SHLD2: variants seen among roughly 807,000 people sequenced by gnomAD.
SHLD2 encodes shieldin complex subunit 2.
Under a neutral mutation model 73.2 loss-of-function variants are expected in SHLD2, and 30 were observed. The observed-to-expected ratio is 0.41, with a 90% CI of 0.31 to 0.56. The LOEUF (loss-of-function observed/expected upper bound fraction) is 0.56. Among genes scored for constraint, SHLD2 ranks in the 20% least tolerant of loss-of-function variants. The probability of loss-of-function intolerance (pLI) is 0.28; values close to 1 mark genes in which losing one functional copy is unlikely to be tolerated. For synonymous variants in SHLD2, 285 were observed against 370.1 expected, an observed-to-expected ratio of 0.77 and a Z score of 2.64; for missense variants, 745 against 1,055.9, an observed-to-expected ratio of 0.71 and a Z score of 4.08.
chr10:87,157,359 A>G (rs1846504706), intron 3 of SHLD2, among the ~76,000 whole-genome samples: 1 of 152,286 alleles, frequency 6.6e-6, no homozygotes, highest in African/African-American at 2.4e-5. Context: ...CTGACACTGT[A>G]TGCTGATTAG....
chr10:87,161,112 TA>T (rs1846782061), intron 4 of SHLD2, among the ~76,000 whole-genome samples: 1 of 152,102 alleles, frequency 6.6e-6, no homozygotes, highest in Non-Finnish European at 1.5e-5. Context: ...CAAATTTAAA[TA>T]ATAAGATAAT....
intron 2 of SHLD2, among the ~76,000 whole-genome samples, chr10:87,117,609 C>T (rs1030791951): frequency 6.6e-6 from 1 of 152,150 alleles, no homozygotes; most frequent in Non-Finnish European, 1.5e-5. Context: ...GCCTGGGCAA[C>T]ATGGCAAAAC....
chr10:87,105,116 T>C (rs375227916), intron 2 of SHLD2, among the ~76,000 whole-genome samples: 1 of 152,252 alleles, frequency 6.6e-6, no homozygotes, highest in East Asian at 1.9e-4. Context: ...CTCTGTTTAA[T>C]GATGTGGACC....
chr10:87,094,972 G>GGCCTCC (rs1322435532), upstream of SHLD2: 335 of 226,760 alleles, frequency 1.5e-3, 1 homozygote, highest in African/African-American at 5.7e-3. This position sits in a 1 kb window ranked among gnomAD's most constrained non-coding sequence, Gnocchi z 6.6. Flanking sequence ...CAGGGCGCCG[G>GGCCTCC]GCCTCCGCCT....
In SHLD2 at chr10:87,176,076, C is replaced by A. The variant is rs1847935156; in HGVS notation, c.2151C>A (p.His717Gln). 2 of 1,548,288 alleles carry A rather than the reference C, an allele frequency of 1.3e-6. No homozygotes were observed. Among genetic ancestry groups the A allele is most frequent in the Admixed American group, 3.9e-5 (2 of 50,984 alleles). The change falls in exon 7 of 10, where the codon CAC becomes CAA. Residue 717 changes from histidine (H) to glutamine (Q), a missense_variant. Physicochemically the swap from His to Gln is conservative, Grantham distance 24. This residue lies in a region of SHLD2 where 418 missense variants were observed against 567.8 expected (regional missense o/e 0.74). Transcript: ENST00000298786. ...SFVKISDLAT[H>Q]LEDKCSGVVL... Reference sequence around the variant, plus strand: ...TGAAGATATCAGACTTAGCAACCCACCTAGAGGATAAGTGTTCAGGTAAGA... The same window carrying A: ...TGAAGATATCAGACTTAGCAACCCAACTAGAGGATAAGTGTTCAGGTAAGA...
At chr10:87,140,568 AAAAG>A (rs1318827889) in intron 2 of SHLD2, among the ~76,000 whole-genome samples, 2 of 152,084 alleles carry the variant, frequency 1.3e-5, no homozygotes, top group African/African-American at 4.8e-5. Context: ...TTAAAAAAGA[AAAAG>A]AAACAGTGAC....
At chr10:87,157,950 G>A (rs1436309544) in intron 3 of SHLD2, 98 bp from the exon 4 acceptor site, 3 of 958,620 alleles carry the variant, frequency 3.1e-6, no homozygotes, top group Non-Finnish European at 4.7e-6. Flanking sequence ...TACTTGCTTG[G>A]TATATGGGAG....
chr10:87,135,484 T>C (rs965054005), intron 2 of SHLD2, among the ~76,000 whole-genome samples: 8 of 152,024 alleles, frequency 5.3e-5, no homozygotes, highest in Non-Finnish European at 1.0e-4. Context: ...AACATGCAGG[T>C]TAAGTACAAT....
At chr10:87,104,243 GAAA>G (rs200425745) in intron 2 of SHLD2, among the ~76,000 whole-genome samples, 1 of 124,158 alleles carries the variant, frequency 8.1e-6, no homozygotes. Context: ...TCTCAAAAAA[GAAA>G]AAAAAAAAAA....
At chr10:87,143,706 T>A (rs1157461457) in intron 2 of SHLD2, among the ~76,000 whole-genome samples, 1 of 152,114 alleles carries the variant, frequency 6.6e-6, no homozygotes, top group Non-Finnish European at 1.5e-5. Flanking sequence ...TTCATGTGTT[T>A]ATATGGTTCT....
chr10:87,099,754 T>C (rs1842146697), intron 2 of SHLD2, among the ~76,000 whole-genome samples: 1 of 152,366 alleles, frequency 6.6e-6, no homozygotes, highest in South Asian at 2.1e-4. Flanking sequence ...TTACCAGCAG[T>C]GAATGAAGGT....
At chr10:87,121,089 T>G (rs1843588302) in intron 2 of SHLD2, among the ~76,000 whole-genome samples, 1 of 152,134 alleles carries the variant, frequency 6.6e-6, no homozygotes, top group Admixed American at 6.5e-5. Context: ...TGATTTTATG[T>G]ATGACATACC....
intron 2 of SHLD2, among the ~76,000 whole-genome samples, chr10:87,117,534 C>T (rs1474741782): frequency 6.6e-6 from 1 of 152,162 alleles, no homozygotes; most frequent in African/African-American, 2.4e-5. Flanking sequence ...TGGCTCACGC[C>T]TATAATCCCA....
Position 87,190,650 on chromosome 10 carries a change from C to T in SHLD2, c.2682C>T (p.Asp894=). 1 of 1,611,942 alleles carries T rather than the reference C, an allele frequency of 6.2e-7. No individual in the cohort carries two copies. The highest frequency in any genetic ancestry group is 8.5e-7 in the Non-Finnish European group (1 of 1,179,830). ...QDFSLLDFYP[D]IVKHGANARL The stretch of plus-strand genomic sequence containing the variant: ...TCTCCCTCCTGGATTTTTATCCTGA[C>T]ATTGTAAAGCATGGAGCCAATGCCC... Residue 894 remains aspartate, a synonymous_variant, in exon 10 of 10, where the codon GAC becomes GAT. Coordinates refer to ENST00000298786, the MANE Select transcript of SHLD2 (RefSeq NM_001330112.2).
intron 6 of SHLD2, among the ~76,000 whole-genome samples, chr10:87,173,321 C>T (rs1365820153): frequency 4.6e-5 from 7 of 152,092 alleles, no homozygotes; most frequent in East Asian, 1.9e-4. Flanking sequence ...AGCCAGCCAC[C>T]GCACCCGGCC....
At chr10:87,141,708 A>G (rs1004856959) in intron 2 of SHLD2, among the ~76,000 whole-genome samples, 1 of 152,136 alleles carries the variant, frequency 6.6e-6, no homozygotes, top group African/African-American at 2.4e-5. Context: ...CTCTGATTGG[A>G]TCATTATGCA....
intron 2 of SHLD2, among the ~76,000 whole-genome samples, chr10:87,125,263 T>G (rs1843910816): frequency 6.6e-6 from 1 of 152,208 alleles, no homozygotes; most frequent in African/African-American, 2.4e-5. Flanking sequence ...GACAAATTAA[T>G]CTTTATTCCT....
chr10:87,114,254 A>G (rs1207048193), intron 2 of SHLD2: 7 of 152,226 alleles, frequency 4.6e-5, no homozygotes, highest in Non-Finnish European at 8.8e-5. Context: ...CAGCATATCA[A>G]TTGAAGGGTT....
At chr10:87,094,856 G>C, upstream of SHLD2, 1 of 1,103,672 alleles carries the variant, frequency 9.1e-7, no homozygotes, top group Admixed American at 2.1e-5. The surrounding 1 kb of genome is among the most constrained non-coding windows in gnomAD (Gnocchi z 6.6). Context: ...AGGGTCCCGC[G>C]CGGGTTGCCC....
Sources: gnomAD v4.1 joint callset for allele counts (sites outside exome capture counted in the v4.1 genomes callset) on GRCh38, gnomAD v4.1.1 for gene constraint, gnomAD v4.1.1 regional missense constraint, Gnocchi (gnomAD v3.1) non-coding constraint, MANE v1.5 for transcripts, NCBI Gene and HGNC (gene_info 2026-07-23, HGNC 2026-07-21) for gene names.